RDX: variants seen among roughly 807,000 people sequenced by gnomAD.
RDX encodes radixin, also known as deafness, autosomal recessive 24.
A neutral mutation model predicts 83.7 loss-of-function variants in RDX; 32 were observed. That is an observed-to-expected ratio of 0.38 (90% CI 0.29 to 0.51). RDX has a LOEUF of 0.51. Ranked by LOEUF, RDX falls within the 20% of genes least tolerant of loss-of-function variation. RDX has a pLI of 0.87. For synonymous variants in RDX, 229 were observed against 222.7 expected (o/e 1.03, Z -0.25); for missense variants, 600 against 689.9 (o/e 0.87, Z 1.46).
chr11:110,267,407 G>C (rs1229124864), intron 3 of RDX, among the ~76,000 whole-genome samples: 3 of 152,030 alleles, frequency 2.0e-5, no homozygotes, highest in Non-Finnish European at 4.4e-5. Flanking sequence ...CAGTTACTCA[G>C]GAGGCTGAGA....
At chr11:110,192,511 A>G (rs1007169989) in intron 15 of RDX, among the ~76,000 whole-genome samples, 1 of 152,264 alleles carries the variant, frequency 6.6e-6, no homozygotes, top group African/African-American at 2.4e-5. Context: ...AAAAATTGAC[A>G]AGTGGAACCT....
At chr11:110,211,937 G>A (rs1863853183) in intron 14 of RDX, among the ~76,000 whole-genome samples, 1 of 145,098 alleles carries the variant, frequency 6.9e-6, no homozygotes, top group Admixed American at 7.0e-5. Flanking sequence ...AGAAAAGCAA[G>A]AGCAAACACA....
intron 2 of RDX, among the ~76,000 whole-genome samples, chr11:110,275,041 C>T (rs1019061304): frequency 1.3e-5 from 2 of 152,164 alleles, no homozygotes; most frequent in Non-Finnish European, 2.9e-5. Context: ...AGAATTCTTG[C>T]TTTTCTGTAT....
intron 15 of RDX, among the ~76,000 whole-genome samples, chr11:110,182,849 A>G (rs1467637780): frequency 6.6e-6 from 1 of 152,196 alleles, no homozygotes; most frequent in Non-Finnish European, 1.5e-5. Context: ...ATGAGTTCTG[A>G]GCGTCTACGG....
intron 2 of RDX, among the ~76,000 whole-genome samples, chr11:110,276,995 T>C (rs147647391): frequency 2.4e-4 from 37 of 152,334 alleles, no homozygotes; most frequent in Non-Finnish European, 4.0e-4. Flanking sequence ...TAATGACATA[T>C]GCACATAATA....
chr11:110,285,185 G>A (rs560167157), intron 1 of RDX, among the ~76,000 whole-genome samples: 6 of 151,126 alleles, frequency 4.0e-5, no homozygotes, highest in African/African-American at 1.5e-4. Context: ...TCAGGAGTTC[G>A]AGACCAGTCT....
At chr11:110,236,037 G>C in intron 12 of RDX, 62 bp downstream of exon 12, 4 of 1,163,790 alleles carry the variant, frequency 3.4e-6, no homozygotes, top group Non-Finnish European at 5.2e-6. Flanking sequence ...TCACTACAAA[G>C]TCAGCATAAT....
intron 9 of RDX, among the ~76,000 whole-genome samples, chr11:110,253,090 G>C (rs181268469): frequency 1.3e-5 from 2 of 152,250 alleles, no homozygotes; most frequent in Admixed American, 1.3e-4. Context: ...ACACAGAACA[G>C]TTGTTGAATA....
At chr11:110,284,856 C>T (rs1007086411) in intron 1 of RDX, among the ~76,000 whole-genome samples, 2 of 152,066 alleles carry the variant, frequency 1.3e-5, no homozygotes, top group Non-Finnish European at 2.9e-5. Flanking sequence ...TGTCTGAATA[C>T]ACAGAAAGTT....
At chr11:110,265,250 C>T (rs1440479834) in intron 3 of RDX, among the ~76,000 whole-genome samples, 2 of 151,794 alleles carry the variant, frequency 1.3e-5, no homozygotes, top group Non-Finnish European at 2.9e-5. Context: ...ACTACCACGC[C>T]TAGCTAATTT....
intron 3 of RDX, among the ~76,000 whole-genome samples, chr11:110,267,431 T>C (rs1453717588): frequency 1.3e-5 from 2 of 151,678 alleles, no homozygotes; most frequent in African/African-American, 2.4e-5. Context: ...TAGAATTGCT[T>C]GAGCCCAGGA....
At chr11:110,269,907 T>A (rs1860230609) in intron 3 of RDX, among the ~76,000 whole-genome samples, 1 of 151,818 alleles carries the variant, frequency 6.6e-6, no homozygotes, top group Admixed American at 6.6e-5. Flanking sequence ...CCGGGCATGG[T>A]GGAGCACACT....
intron 1 of RDX, among the ~76,000 whole-genome samples, chr11:110,289,031 A>G (rs1406353949): frequency 3.3e-5 from 5 of 152,130 alleles, no homozygotes; most frequent in Admixed American, 1.3e-4. Flanking sequence ...TGAGGTTGGG[A>G]GTTCGAGACC....
chr11:110,291,471 C>T (rs531449320), intron 1 of RDX, among the ~76,000 whole-genome samples: 1 of 152,278 alleles, frequency 6.6e-6, no homozygotes, highest in South Asian at 2.1e-4. Flanking sequence ...ATAGAATGTG[C>T]CCCAATCCTG....
In RDX at chr11:110,231,958, C is replaced by T. The variant is rs1489548023; in HGVS notation, c.1663G>A (p.Val555Ile). The change falls in exon 14 of 14, where the codon GTT becomes ATT. Residue 555 changes from valine to isoleucine, a missense_variant. Val to Ile is a conservative substitution (Grantham distance 29). Transcript: ENST00000645495. ...TQNDVLHAEN[V>I]KAGRDKYKTL... ...TTGTACTTATCACGGCCTGCTTTAA[C>T]ATTCTCAGCATGAAGAACATCATTT... 3 of 1,614,112 alleles carry T rather than the reference C, an allele frequency of 1.9e-6. No individual in the cohort carries two copies. Among genetic ancestry groups the T allele is most frequent in the Non-Finnish European group, 1.7e-6 (2 of 1,179,996 alleles).
In RDX at chr11:110,231,638, C is replaced by A; in HGVS notation, c.*231G>T. ...AAAAGAAAAAAAATGTGAAAAGAGG[C>A]AATGGAACACCATTCTCCATTCCCT... On this transcript the variant is annotated 3_prime_UTR_variant, in exon 14 of 14. Transcript: ENST00000645495. 9.0e-6 allele frequency: 5 copies of A among 553,622 alleles called. No individual in the cohort carries two copies. The highest frequency in any genetic ancestry group is 1.6e-5 in the Non-Finnish European group (5 of 309,996). The allele number at this position is 553,622 out of a possible 1,614,324, so 34.3% of individuals were successfully genotyped here. A position where few individuals can be genotyped will look rare whatever the true frequency, so the allele number is the denominator to read the frequency against.
At chr11:110,279,424 G>A (rs1860661815) in intron 2 of RDX, among the ~76,000 whole-genome samples, 1 of 152,154 alleles carries the variant, frequency 6.6e-6, no homozygotes, top group Admixed American at 6.5e-5. Flanking sequence ...TACTCAGGAG[G>A]CTGAGGCAGG....
At chr11:110,287,674 G>C (rs926336057) in intron 1 of RDX, among the ~76,000 whole-genome samples, 1 of 152,172 alleles carries the variant, frequency 6.6e-6, no homozygotes, top group African/African-American at 2.4e-5. Context: ...CCAAAAGCAA[G>C]AAGGGTAGTG....
intron 3 of RDX, among the ~76,000 whole-genome samples, chr11:110,267,782 C>T (rs1351971502): frequency 2.1e-5 from 3 of 144,134 alleles, no homozygotes; most frequent in Non-Finnish European, 3.1e-5. Flanking sequence ...GTAGGGAGAC[C>T]TTGTCTCTTA....
Sources: allele counts gnomAD v4.1 joint callset (sites outside exome capture counted in the v4.1 genomes callset), GRCh38; gene constraint gnomAD v4.1.1; transcripts MANE v1.5; gene names NCBI Gene and HGNC (gene_info 2026-07-23, HGNC 2026-07-21).